Variants in LRP1B observed in about 807,000 individuals in gnomAD.
The protein encoded by LRP1B is LDL receptor related protein 1B, also known as low-density lipoprotein receptor-related protein 1B.
In LRP1B, 217 loss-of-function variants were observed where a neutral mutation model predicts 556.6. The observed-to-expected ratio is 0.39, with a 90% CI of 0.35 to 0.44. The LOEUF is 0.44. Ranked by LOEUF, LRP1B falls within the 20% of genes least tolerant of loss-of-function variation. The pLI, the probability that LRP1B is intolerant of heterozygous loss-of-function variation, is 1.00. For synonymous variants in LRP1B, 2,047 were observed against 1,865.8 expected (o/e 1.10, Z -2.50); for missense variants, 5,053 against 5,620.8 (o/e 0.90, Z 3.23).
Position 140,907,905 on chromosome 2 carries a change from A to G in LRP1B, c.3492T>C (p.Pro1164=), listed in dbSNP as rs2105231684. Residue 1164 remains proline (P), a synonymous_variant, in exon 22 of 91, where the codon CCT becomes CCC. Coordinates refer to ENST00000389484, the MANE Select transcript of LRP1B (RefSeq NM_018557.3). ...EKLCNGKKDC[P]DGSDEGYLCD... Reference sequence around the variant, plus strand: ...AGAGATAGCCTTCATCAGAGCCATCAGGACAATCCTTTTTCCCATTGCAGA... The same window carrying G: ...AGAGATAGCCTTCATCAGAGCCATCGGGACAATCCTTTTTCCCATTGCAGA... 1 of 1,613,502 alleles carries G rather than the reference A, an allele frequency of 6.2e-7. No individual in the cohort carries two copies. Among genetic ancestry groups the G allele is most frequent in the African/African-American group, 1.3e-5 (1 of 74,994 alleles).
At chr2:140,788,578 T>G (rs1446661960) in intron 32 of LRP1B, among the ~76,000 whole-genome samples, 1 of 152,208 alleles carries the variant, frequency 6.6e-6, no homozygotes, top group East Asian at 1.9e-4. Flanking sequence ...AGAACCTCTC[T>G]ATTTGTATAA....
chr2:141,600,389 A>G (rs1166284207), intron 2 of LRP1B, among the ~76,000 whole-genome samples: 1 of 152,194 alleles, frequency 6.6e-6, no homozygotes, highest in Non-Finnish European at 1.5e-5. Context: ...GATTTATTGT[A>G]TTCCACGAAC....
At chr2:140,290,234 G>A (rs1683319904) in intron 84 of LRP1B, among the ~76,000 whole-genome samples, 1 of 151,928 alleles carries the variant, frequency 6.6e-6, no homozygotes, top group Non-Finnish European at 1.5e-5. Flanking sequence ...CAAAGTAGGG[G>A]GATTAAAGAG....
At chr2:141,545,020 C>T (rs565078742) in intron 2 of LRP1B, among the ~76,000 whole-genome samples, 1 of 152,224 alleles carries the variant, frequency 6.6e-6, no homozygotes, top group South Asian at 2.1e-4. Flanking sequence ...TTAATTTGCA[C>T]AACACTAATA....
At chr2:141,276,596 C>T (rs1007541805) in intron 3 of LRP1B, among the ~76,000 whole-genome samples, 1 of 151,684 alleles carries the variant, frequency 6.6e-6, no homozygotes, top group East Asian at 1.9e-4. Flanking sequence ...TGGCCTCCAG[C>T]TCCATCCATG....
intron 5 of LRP1B, among the ~76,000 whole-genome samples, chr2:141,232,343 C>G (rs1573688537): frequency 6.6e-6 from 1 of 152,146 alleles, no homozygotes; most frequent in African/African-American, 2.4e-5. Context: ...CATTTGACAA[C>G]TGAAATGACC....
intron 20 of LRP1B, among the ~76,000 whole-genome samples, chr2:140,946,894 C>T (rs1695564754): frequency 1.3e-5 from 2 of 152,068 alleles, no homozygotes; most frequent in Non-Finnish European, 1.5e-5. Flanking sequence ...CATCTGGAGG[C>T]CATAATCCTA....
intron 66 of LRP1B, among the ~76,000 whole-genome samples, chr2:140,403,404 A>G (rs924079070): frequency 6.6e-6 from 1 of 152,154 alleles, no homozygotes. Flanking sequence ...AAAATTTTCG[A>G]GAGAGATAGA....
chr2:141,551,734 A>G (rs1159507743), intron 2 of LRP1B, among the ~76,000 whole-genome samples: 1 of 152,060 alleles, frequency 6.6e-6, no homozygotes, highest in East Asian at 1.9e-4. Context: ...TGGCCCTATG[A>G]AAAATACTAA....
chr2:140,520,798 G>GAAAAAAAAAAAAAAAAAAAAAAAA (rs757383865), intron 49 of LRP1B, among the ~76,000 whole-genome samples: 3 of 86,440 alleles, frequency 3.5e-5, no homozygotes, highest in Non-Finnish European at 6.4e-5. Context: ...TAAGAAAACA[G>GAAAAAAAAAAAAAAAAAAAAAAAA]AAAAAAAAAA....
At chr2:141,383,267 TA>T (rs1283630531) in intron 3 of LRP1B, among the ~76,000 whole-genome samples, 8 of 152,106 alleles carry the variant, frequency 5.3e-5, no homozygotes, top group Non-Finnish European at 7.3e-5. Flanking sequence ...GGTGAGAATG[TA>T]AATTGGCACA....
Position 141,202,693 on chromosome 2 carries a change from G to T in LRP1B, c.851-14110C>A, listed in dbSNP as rs531491361. Among the ~76,000 whole-genome samples, 3 of 152,152 alleles carry T rather than the reference G, an allele frequency of 2.0e-5. No individual in the cohort carries two copies. In the South Asian group the frequency reaches 6.2e-4, roughly 32 times the overall value. On this transcript the variant is annotated intron_variant, in intron 6 of 90. Coordinates refer to ENST00000389484, the MANE Select transcript of LRP1B (RefSeq NM_018557.3). ...AGTGATGTTGAACTCTTTCATGTTTGTTGGCCACACGTTACATCTTTTTTG... is the reference window on the plus strand; with the variant it reads ...AGTGATGTTGAACTCTTTCATGTTTTTTGGCCACACGTTACATCTTTTTTG...
chr2:140,556,647 G>A (rs1397790587), intron 43 of LRP1B, among the ~76,000 whole-genome samples: 1 of 151,940 alleles, frequency 6.6e-6, no homozygotes, highest in Non-Finnish European at 1.5e-5. Flanking sequence ...TTAACAATGG[G>A]CAAGGAAAGA....
At chr2:141,905,999 T>TGC (rs1699749196) in intron 1 of LRP1B, among the ~76,000 whole-genome samples, 1 of 30,374 alleles carries the variant, frequency 3.3e-5, no homozygotes, top group South Asian at 1.5e-3. Context: ...GAGATGTGTG[T>TGC]GTGTGTGTGT....
chr2:140,732,370 C>T (rs1687807656), intron 35 of LRP1B, among the ~76,000 whole-genome samples: 1 of 151,982 alleles, frequency 6.6e-6, no homozygotes, highest in Non-Finnish European at 1.5e-5. Context: ...ATATCCTACC[C>T]ATGCAGGAAA....
Position 140,234,875 on chromosome 2 carries a change from T to C in LRP1B, c.13570A>G (p.Ile4524Val). 1 of 775,168 alleles carries C rather than the reference T, an allele frequency of 1.3e-6. No homozygotes were observed. The allele number at this position is 775,168 out of a possible 1,614,324, so 48.0% of individuals were successfully genotyped here. A position where few individuals can be genotyped will look rare whatever the true frequency, so the allele number is the denominator to read the frequency against. Residue 4524 changes from isoleucine to valine, a missense_variant, in exon 90 of 91, where the codon ATA (isoleucine) becomes GTA (valine). Around this residue, in one of 5 missense-constraint regions of LRP1B, gnomAD observed 551 missense variants for 592.0 expected, o/e 0.93. Coordinates refer to ENST00000389484, the MANE Select transcript of LRP1B (RefSeq NM_018557.3). ...TTGAAAGCACTGGGTCCTCCCCCTA[T>C]GTACCTGGCCTGTATATAAACAGAA... The part of the protein sequence containing the change: ...FMIDPTKARY[I>V]GGGPSAFKLP...
chr2:141,964,240 A>T (rs1359403342), intron 1 of LRP1B, among the ~76,000 whole-genome samples: 2 of 151,086 alleles, frequency 1.3e-5, no homozygotes, highest in East Asian at 3.9e-4. Context: ...ATTGGAAAAA[A>T]CTACTTTAAT....
At chr2:141,093,245 A>G (rs140934984) in intron 7 of LRP1B, among the ~76,000 whole-genome samples, 2 of 152,300 alleles carry the variant, frequency 1.3e-5, no homozygotes, top group East Asian at 3.9e-4. Context: ...CACTCAAGGT[A>G]ACAGGAATGA....
chr2:141,941,849 A>G (rs756924767), intron 1 of LRP1B, among the ~76,000 whole-genome samples: 1 of 152,240 alleles, frequency 6.6e-6, no homozygotes, highest in Non-Finnish European at 1.5e-5. Context: ...GGAAAAAGTT[A>G]CGTGCATCTA....
Sources: allele counts gnomAD v4.1 joint callset (sites outside exome capture counted in the v4.1 genomes callset), GRCh38; gene constraint gnomAD v4.1.1; regional missense constraint gnomAD v4.1.1; transcripts MANE v1.5; gene names NCBI Gene and HGNC (gene_info 2026-07-23, HGNC 2026-07-21).